The following CPEB1 variants were observed in gnomAD, a reference collection of about 807,000 sequenced individuals.
CPEB1 encodes the protein cytoplasmic polyadenylation element-binding protein 1.
Under a neutral mutation model 65.8 loss-of-function variants are expected in CPEB1, and 7 were observed. The observed-to-expected ratio is 0.11, with a 90% CI of 0.06 to 0.20. The LOEUF (loss-of-function observed/expected upper bound fraction) is 0.20. Among genes scored for constraint, CPEB1 ranks in the 10% least tolerant of loss-of-function variants. CPEB1 has a pLI of 1.00. For synonymous variants in CPEB1, 262 were observed against 260.0 expected (o/e 1.01, Z -0.08); for missense variants, 551 against 712.2 (o/e 0.77, Z 2.58).
intron 3 of CPEB1, among the ~76,000 whole-genome samples, chr15:82,595,821 T>C: frequency 6.6e-6 from 1 of 152,248 alleles, no homozygotes; most frequent in East Asian, 1.9e-4. Flanking sequence ...CAACCTCTAA[T>C]GTATCTAGGT....
At chr15:82,579,828 C>G (rs1295520566) in intron 3 of CPEB1, among the ~76,000 whole-genome samples, 3 of 139,030 alleles carry the variant, frequency 2.2e-5, no homozygotes, top group Non-Finnish European at 4.6e-5. Context: ...AGGAGAATGG[C>G]GTGAACCCGG....
chr15:82,555,205 GA>G (rs1471223937), intron 6 of CPEB1, among the ~76,000 whole-genome samples: 7 of 152,342 alleles, frequency 4.6e-5, no homozygotes, highest in Non-Finnish European at 1.0e-4. Flanking sequence ...AAAATATATA[GA>G]GATGGGGTCT....
At chr15:82,639,959 A>G (rs2046974204) in intron 1 of CPEB1, among the ~76,000 whole-genome samples, 1 of 151,428 alleles carries the variant, frequency 6.6e-6, no homozygotes, top group Middle Eastern at 3.4e-3. Flanking sequence ...GTCCTGTTTA[A>G]CTCTCCCGGG....
At chr15:82,643,901 G>A (rs1323491791) in intron 1 of CPEB1, among the ~76,000 whole-genome samples, 2 of 152,172 alleles carry the variant, frequency 1.3e-5, no homozygotes, top group African/African-American at 4.8e-5. Flanking sequence ...GACAGACAAG[G>A]TGAGATTTAG....
At chr15:82,581,840 C>A (rs142344598) in intron 3 of CPEB1, among the ~76,000 whole-genome samples, 101 of 152,308 alleles carry the variant, frequency 6.6e-4, no homozygotes, top group African/African-American at 2.3e-3. Flanking sequence ...CAGCATTCTA[C>A]CTCACTGGTT....
chr15:82,598,800 C>CA (rs1180476706), intron 3 of CPEB1, among the ~76,000 whole-genome samples: 1 of 151,808 alleles, frequency 6.6e-6, no homozygotes, highest in Non-Finnish European at 1.5e-5. Flanking sequence ...CAAAAACAAA[C>CA]AAAAAAACCA....
rs138985601 is a variant in CPEB1, at chr15:82,581,003, C to G, written c.272-9471G>C. Among the ~76,000 whole-genome samples the G allele has an allele frequency of 3.3e-5, 5 of 152,208 alleles. No individual in the cohort carries two copies. In the South Asian group the frequency reaches 8.3e-4, roughly 25 times the overall value. On this transcript the variant is annotated intron_variant, in intron 3 of 12. Coordinates refer to ENST00000684509, the MANE Select transcript of CPEB1 (RefSeq NM_001365242.1). ...AGTAGATGGGACCACAGGTGCATGTCACCAGCCTGGCTAAATTTTTAGAGA... is the reference window on the plus strand; with the variant it reads ...AGTAGATGGGACCACAGGTGCATGTGACCAGCCTGGCTAAATTTTTAGAGA...
At chr15:82,612,606 G>A (rs188411805) in intron 3 of CPEB1, among the ~76,000 whole-genome samples, 1,591 of 152,104 alleles carry the variant, frequency 0.01, 13 homozygotes, top group Non-Finnish European at 0.017. Flanking sequence ...GGAGTCCAAG[G>A]CGGGTGGGTC....
At chr15:82,591,568 G>A (rs903871345) in intron 3 of CPEB1, among the ~76,000 whole-genome samples, 1 of 152,030 alleles carries the variant, frequency 6.6e-6, no homozygotes, top group Non-Finnish European at 1.5e-5. Flanking sequence ...TGCCCAGCTT[G>A]ATTTTCTCTC....
chr15:82,571,258 G>T, intron 4 of CPEB1, 86 bp downstream of exon 4: 1 of 1,494,718 alleles, frequency 6.7e-7, no homozygotes, highest in Non-Finnish European at 9.0e-7. Flanking sequence ...ATGCAAAGGG[G>T]AACAGAACAA....
In CPEB1 at chr15:82,552,264, G is replaced by C. The variant is rs1307635828; in HGVS notation, c.1281+216C>G. ...TTACCATGGGCAGGCATGCGCATGT[G>C]TGCATGCACACACCCCATTAAGTCC... On this transcript the variant is annotated intron_variant, in intron 9 of 12. Transcript: ENST00000684509. Among the ~76,000 whole-genome samples the C allele has an allele frequency of 2.0e-5, 3 of 151,138 alleles. No individual in the cohort carries two copies. The East Asian group carries it at 5.9e-4, about 29-fold the overall frequency.
Position 82,547,165 on chromosome 15 carries a change from T to C in CPEB1, c.1553A>G (p.Lys518Arg), listed in dbSNP as rs747825334. 2 of 1,613,520 alleles carry C rather than the reference T, an allele frequency of 1.2e-6. No individual in the cohort carries two copies. The highest frequency in any genetic ancestry group is 1.7e-5 in the Admixed American group (1 of 60,004). The change falls in exon 11 of 13, where the codon AAA (lysine) becomes AGA (arginine). Residue 518 changes from lysine (K) to arginine (R), a missense_variant. Transcript: ENST00000684509. Reference sequence around the variant, plus strand: ...CACCTTCTTTGTGAACTTGGTGGTTTTGATCTCCACAAAAGCAGCGCTGAC... The same window carrying C: ...CACCTTCTTTGTGAACTTGGTGGTTCTGATCTCCACAAAAGCAGCGCTGAC... ...KAVSAAFVEI[K>R]TTKFTKKVQI...
intron 1 of CPEB1, chr15:82,629,684 C>T (rs1415869166): frequency 8.1e-6 from 8 of 985,230 alleles, no homozygotes; most frequent in Non-Finnish European, 8.4e-6. Context: ...CTATTATCCT[C>T]AATTATCTTG....
At chr15:82,592,163 G>A (rs1344844273) in intron 3 of CPEB1, among the ~76,000 whole-genome samples, 1 of 151,878 alleles carries the variant, frequency 6.6e-6, no homozygotes, top group Non-Finnish European at 1.5e-5. Flanking sequence ...TATTTTTATT[G>A]CCAAATAACA....
chr15:82,594,555 T>C (rs2042530502), intron 3 of CPEB1, among the ~76,000 whole-genome samples: 1 of 152,148 alleles, frequency 6.6e-6, no homozygotes, highest in African/African-American at 2.4e-5. Context: ...ACTCAAACTT[T>C]CCCATATCAG....
At chr15:82,600,759 C>T (rs191316209) in intron 3 of CPEB1, among the ~76,000 whole-genome samples, 32 of 152,086 alleles carry the variant, frequency 2.1e-4, no homozygotes, top group Admixed American at 1.8e-3. Context: ...AGGAATAGAA[C>T]GTGAAGAACA....
chr15:82,634,185 T>TG (rs1491540128), intron 1 of CPEB1, among the ~76,000 whole-genome samples: 1 of 32,122 alleles, frequency 3.1e-5, no homozygotes, highest in Non-Finnish European at 5.1e-5. Flanking sequence ...ATATAACTGG[T>TG]TTTTTTTTTT....
At chr15:82,610,243 A>G (rs1421117459) in intron 3 of CPEB1, among the ~76,000 whole-genome samples, 1 of 152,158 alleles carries the variant, frequency 6.6e-6, no homozygotes, top group Non-Finnish European at 1.5e-5. Flanking sequence ...GAATAGTCCA[A>G]GACAAGAAAG....
At chr15:82,605,465 T>C (rs2043485896) in intron 3 of CPEB1, among the ~76,000 whole-genome samples, 6 of 152,146 alleles carry the variant, frequency 3.9e-5, no homozygotes, top group Admixed American at 3.9e-4. Context: ...AGAGCCATTG[T>C]ATAGAATGAC....
Sources: allele counts gnomAD v4.1 joint callset (sites outside exome capture counted in the v4.1 genomes callset), GRCh38; gene constraint gnomAD v4.1.1; transcripts MANE v1.5; gene names NCBI Gene and HGNC (gene_info 2026-07-23, HGNC 2026-07-21).